MAP3K7CL: variants seen among roughly 807,000 people sequenced by gnomAD.
MAP3K7CL encodes MAP3K7 C-terminal like.
Under a neutral mutation model 18.6 loss-of-function variants are expected in MAP3K7CL, and 16 were observed. That is an observed-to-expected ratio of 0.86 (90% CI 0.58 to 1.31). The LOEUF (loss-of-function observed/expected upper bound fraction) is 1.31, where lower values mean the gene tolerates loss of function less well. Ranked by LOEUF, MAP3K7CL falls within the 50% of genes most tolerant of loss-of-function variation. The pLI is 0.00. For missense variants in MAP3K7CL, 163 were observed against 174.4 expected (o/e 0.93, Z 0.37); for synonymous variants, 65 against 66.8 (o/e 0.97, Z 0.13).
intron 4 of MAP3K7CL, among the ~76,000 whole-genome samples, chr21:29,171,821 A>G (rs923950966): frequency 1.3e-5 from 2 of 151,540 alleles, no homozygotes; most frequent in Non-Finnish European, 2.9e-5. Flanking sequence ...AAAAAAAAAA[A>G]AAAAAAAACA....
chr21:29,077,767 A>G (rs1236888911), intron 1 of MAP3K7CL: 2 of 152,378 alleles, frequency 1.3e-5, no homozygotes, highest in Non-Finnish European at 2.9e-5. Flanking sequence ...CCAGAGAACA[A>G]CACAAAGCAA....
upstream of MAP3K7CL, among the ~76,000 whole-genome samples, chr21:29,081,641 T>G (rs1189793604): frequency 6.6e-6 from 1 of 152,210 alleles, no homozygotes; most frequent in Non-Finnish European, 1.5e-5. Context: ...TTCCCATGTC[T>G]CCCTTTGTAA....
intron 4 of MAP3K7CL, among the ~76,000 whole-genome samples, chr21:29,166,725 A>T (rs190415524): frequency 6.6e-6 from 1 of 152,226 alleles, no homozygotes; most frequent in South Asian, 2.1e-4. Flanking sequence ...ACTTTGTATC[A>T]TGCATCAGTA....
At chr21:29,090,453 TCA>T (rs1255390291) in intron 1 of MAP3K7CL, among the ~76,000 whole-genome samples, 1 of 152,008 alleles carries the variant, frequency 6.6e-6, no homozygotes, top group Non-Finnish European at 1.5e-5. Flanking sequence ...CAATCTCAGC[TCA>T]CTGCAAGCTC....
chr21:29,169,243 C>A (rs2087764848), intron 4 of MAP3K7CL, among the ~76,000 whole-genome samples: 1 of 152,224 alleles, frequency 6.6e-6, no homozygotes. Flanking sequence ...CTTCCTCCTG[C>A]ACGGGTGCAG....
chr21:29,159,117 C>T (rs2087478861), intron 3 of MAP3K7CL, among the ~76,000 whole-genome samples: 1 of 152,112 alleles, frequency 6.6e-6, no homozygotes, highest in Non-Finnish European at 1.5e-5. Context: ...GATGGGTTTT[C>T]ATCACGTTGA....
intron 4 of MAP3K7CL, among the ~76,000 whole-genome samples, chr21:29,120,715 TTCTC>T: frequency 6.6e-6 from 1 of 151,810 alleles, no homozygotes; most frequent in East Asian, 1.9e-4. Flanking sequence ...CTTTCTCTCC[TTCTC>T]TCTTTCTTTT....
At chr21:29,154,231 C>G (rs546155910) in intron 3 of MAP3K7CL, among the ~76,000 whole-genome samples, 1 of 152,006 alleles carries the variant, frequency 6.6e-6, no homozygotes, top group Non-Finnish European at 1.5e-5. Flanking sequence ...ATTTCATTCT[C>G]TGGTGAAATT....
intron 4 of MAP3K7CL, among the ~76,000 whole-genome samples, chr21:29,103,050 T>C (rs1027525793): frequency 6.6e-6 from 1 of 152,162 alleles, no homozygotes; most frequent in African/African-American, 2.4e-5. Flanking sequence ...TCTTGACCCA[T>C]AGAAACTGTG....
chr21:29,167,826 C>T (rs553987180), intron 4 of MAP3K7CL, among the ~76,000 whole-genome samples: 2 of 151,398 alleles, frequency 1.3e-5, no homozygotes, highest in Non-Finnish European at 2.9e-5. Flanking sequence ...CAGCCTCCCA[C>T]GTAGCTGGGA....
intron 4 of MAP3K7CL, among the ~76,000 whole-genome samples, chr21:29,171,911 T>C (rs531793549): frequency 9.9e-4 from 150 of 151,866 alleles, no homozygotes; most frequent in Non-Finnish European, 1.7e-3. Flanking sequence ...CCCACGACAG[T>C]ACTGGGGTTT....
intron 4 of MAP3K7CL, among the ~76,000 whole-genome samples, chr21:29,093,575 G>A (rs1195734550): frequency 6.6e-6 from 1 of 151,974 alleles, no homozygotes; most frequent in Middle Eastern, 3.2e-3. Flanking sequence ...TCCGCCTCCT[G>A]GGTTCACGCC....
chr21:29,099,106 T>C (rs1205802229), intron 4 of MAP3K7CL, among the ~76,000 whole-genome samples: 1 of 151,998 alleles, frequency 6.6e-6, no homozygotes, highest in Non-Finnish European at 1.5e-5. Flanking sequence ...TTTCTTTTCT[T>C]TTTGAGACAG....
chr21:29,113,161 C>T lies in MAP3K7CL; in HGVS notation c.370+20580C>T, dbSNP rs1167114451. On this transcript the variant is annotated intron_variant, in intron 4 of 6. Coordinates refer to the MAP3K7CL transcript ENST00000286791. The stretch of plus-strand genomic sequence containing the variant: ...CCTTGGAATTTCATTATGATTTAAA[C>T]TGGCAGGTGGTTTGGATATAGGATT... Among the ~76,000 whole-genome samples, 4 of 152,304 alleles carry T rather than the reference C, an allele frequency of 2.6e-5. No homozygotes were observed. The East Asian group carries it at 7.7e-4, about 29-fold the overall frequency.
chr21:29,175,789 T>C lies in MAP3K7CL; in HGVS notation c.*897T>C, dbSNP rs1298324887. ...ATTCAGAATTGAAACAATTTCTCCTTGTTCTACCTATCACCACATTTTCTC... is the reference window on the plus strand; with the variant it reads ...ATTCAGAATTGAAACAATTTCTCCTCGTTCTACCTATCACCACATTTTCTC... On this transcript the variant is annotated 3_prime_UTR_variant, in exon 5 of 5. Transcript: ENST00000399928. The C allele has an allele frequency of 6.6e-6, 1 of 152,252 alleles. No homozygotes were observed. The highest frequency in any genetic ancestry group is 1.9e-4 in the East Asian group (1 of 5,206). 9.4% of individuals were successfully genotyped at this position (152,252 alleles called of 1,614,324 possible).
intron 4 of MAP3K7CL, among the ~76,000 whole-genome samples, chr21:29,166,346 TA>T (rs2087688094): frequency 6.6e-6 from 1 of 152,252 alleles, no homozygotes; most frequent in Non-Finnish European, 1.5e-5. Flanking sequence ...TTTCATTTTT[TA>T]AAATGGCTGA....
upstream of MAP3K7CL, among the ~76,000 whole-genome samples, chr21:29,081,425 C>T (rs12482429): frequency 0.66 from 99,736 of 152,102 alleles, 33,244 homozygotes; most frequent in South Asian, 0.76. Flanking sequence ...TGGTGGCAGG[C>T]GCCTGTAGTC....
intron 4 of MAP3K7CL, among the ~76,000 whole-genome samples, chr21:29,103,065 G>T (rs1005382429): frequency 6.6e-6 from 1 of 152,210 alleles, no homozygotes; most frequent in Non-Finnish European, 1.5e-5. Context: ...ACTGTGAGAG[G>T]TAATGGGTAT....
chr21:29,120,184 C>CTT (rs59143891), intron 4 of MAP3K7CL, among the ~76,000 whole-genome samples: 58 of 144,068 alleles, frequency 4.0e-4, no homozygotes, highest in East Asian at 3.0e-3. Context: ...GGGGAATTTT[C>CTT]TTTTTTTTTT....
Sources: gnomAD v4.1 joint callset for allele counts (sites outside exome capture counted in the v4.1 genomes callset) on GRCh38, gnomAD v4.1.1 for gene constraint, MANE v1.5 for transcripts, NCBI Gene and HGNC (gene_info 2026-07-23, HGNC 2026-07-21) for gene names.